Variants in ARID3A observed in about 807,000 individuals in gnomAD.
The protein encoded by ARID3A is AT-rich interaction domain 3A.
Under a neutral mutation model 52.7 loss-of-function variants are expected in ARID3A, and 11 were observed. The ratio of observed to expected loss-of-function variants is 0.21; its 90% CI spans 0.13 to 0.35. ARID3A has a LOEUF of 0.35. ARID3A is among the 10% of genes least tolerant of loss of function. The pLI is 1.00. For synonymous variants in ARID3A, 404 were observed against 359.4 expected (o/e 1.12, Z -1.40); for missense variants, 721 against 838.5 (o/e 0.86, Z 1.73).
intron 3 of ARID3A, among the ~76,000 whole-genome samples, chr19:934,877 G>A (rs1367831030): frequency 1.3e-5 from 2 of 152,190 alleles, no homozygotes; most frequent in African/African-American, 4.8e-5. Flanking sequence ...CAAAGTGCTG[G>A]GATTACAGGC....
chr19:961,570 C>T (rs1314661935), intron 4 of ARID3A, among the ~76,000 whole-genome samples: 1 of 152,190 alleles, frequency 6.6e-6, no homozygotes, highest in Non-Finnish European at 1.5e-5. Flanking sequence ...AAAGCCAACC[C>T]GTTTTGCTGT....
Position 960,145 on chromosome 19 carries a change from C to T in ARID3A, c.747C>T (p.Phe249=). The change falls in exon 4 of 9, where the codon TTC becomes TTT. Residue 249 remains phenylalanine (F), a synonymous_variant. Transcript: ENST00000263620. The surrounding 1 kb of genome is among the most constrained non-coding windows in gnomAD (Gnocchi z 4.3). ...PKRKEFLDDL[F]SFMQKRGTPV... is the part of the protein sequence containing the mutation. ...GGAAGGAATTCCTGGATGACTTGTT[C>T]AGCTTCATGCAGAAGCGAGGTGAGC... The T allele has an allele frequency of 6.2e-7, 1 of 1,612,720 alleles. No individual in the cohort carries two copies. Among genetic ancestry groups the T allele is most frequent in the Non-Finnish European group, 8.5e-7 (1 of 1,179,242 alleles).
At chr19:955,946 G>C (rs2037907881) in intron 3 of ARID3A, among the ~76,000 whole-genome samples, 1 of 152,168 alleles carries the variant, frequency 6.6e-6, no homozygotes, top group African/African-American at 2.4e-5. Flanking sequence ...GCTCCCTCCA[G>C]GGGCTGCAGG....
Position 941,648 on chromosome 19 carries a change from C to T in ARID3A, c.693+8906C>T, listed in dbSNP as rs1312382360. Among the ~76,000 whole-genome samples, 1 of 152,022 alleles carries T rather than the reference C, an allele frequency of 6.6e-6. No homozygotes were observed. The highest frequency in any genetic ancestry group is 1.5e-5 in the Non-Finnish European group (1 of 68,006). On this transcript the variant is annotated intron_variant, in intron 3 of 8. Transcript: ENST00000263620. This position sits in a 1 kb window ranked among gnomAD's most constrained non-coding sequence, Gnocchi z 6.9. ...TTTAACTATAAAGATGGGGTCTTGC[C>T]ATCATGTTGCCCAGCCTGGTCTCAA...
intron 7 of ARID3A, among the ~76,000 whole-genome samples, chr19:967,241 A>G (rs906060697): frequency 1.3e-5 from 2 of 151,576 alleles, no homozygotes; most frequent in Non-Finnish European, 2.9e-5. Context: ...CTGGGCAACA[A>G]TAGCAAAACT....
Position 948,945 on chromosome 19 carries a change from G to T in ARID3A, c.694-11147G>T, listed in dbSNP as rs377396020. 5.3e-5 allele frequency among the ~76,000 whole-genome samples: 8 copies of T among 152,200 alleles called. No homozygotes were observed. In the South Asian group the frequency reaches 6.2e-4, roughly 12 times the overall value. On this transcript the variant is annotated intron_variant, in intron 3 of 8. Coordinates refer to ENST00000263620, the MANE Select transcript of ARID3A (RefSeq NM_005224.3). The stretch of plus-strand genomic sequence containing the variant: ...GCTGGTCTCAAACTCCTGACCTCAG[G>T]TGATCCGCCCGCCTCGGCCTCCCAA...
chr19:948,022 G>A (rs992066004), intron 3 of ARID3A, among the ~76,000 whole-genome samples: 2 of 152,168 alleles, frequency 1.3e-5, no homozygotes, highest in African/African-American at 4.8e-5. Context: ...AGAGGGCGGG[G>A]AAGGGCCTGA....
In ARID3A at chr19:935,254, C is replaced by T. The variant is rs561519058; in HGVS notation, c.693+2512C>T. On this transcript the variant is annotated intron_variant, in intron 3 of 8. Transcript: ENST00000263620. ...CTGCAGGTCTGGTGGGTGGCCAGGC[C>T]GCGGCGGGGGGCCGGGCGCAGCAGG... Among the ~76,000 whole-genome samples, 605 of 152,342 alleles carry T rather than the reference C, an allele frequency of 4.0e-3. 3 individuals carry two copies. Among genetic ancestry groups the T allele is most frequent in the Non-Finnish European group, 6.7e-3 (454 of 68,028 alleles).
chr19:968,416 C>T lies in ARID3A; in HGVS notation c.1507C>T (p.Arg503Cys), dbSNP rs781106095. ...IRINSQASES[R>C]QDSAVNLTGT... ...TCTTCTTCCCACAGCCTCCGAAAGC[C>T]GCCAGGACTCTGCTGTGAACCTGAC... Residue 503 changes from arginine to cysteine, a missense_variant, in exon 8 of 9, where the codon CGC (arginine) becomes TGC (cysteine). Transcript: ENST00000263620. The T allele has an allele frequency of 9.3e-6, 15 of 1,613,664 alleles. No individual in the cohort carries two copies. The highest frequency in any genetic ancestry group is 3.3e-5 in the South Asian group (3 of 91,066).
chr19:935,628 C>T (rs1227641182), intron 3 of ARID3A, among the ~76,000 whole-genome samples: 8 of 152,104 alleles, frequency 5.3e-5, no homozygotes, highest in Non-Finnish European at 1.5e-5. Flanking sequence ...CAGACGGGCG[C>T]CACCAAACTC....
Position 966,967 on chromosome 19 carries a change from G to GGA in ARID3A, c.1495+99_1495+100insGA, listed in dbSNP as rs1555731580. 1.2e-3 allele frequency: 1,413 copies of GGA among 1,165,066 alleles called. 3 individuals are homozygous for GGA. The African/African-American group carries it at 0.013, about 11-fold the overall frequency. The allele number at this position is 1,165,066 out of a possible 1,614,324, so 72.2% of individuals were successfully genotyped here. On this transcript the variant is annotated intron_variant, in intron 7 of 8. Transcript: ENST00000263620. ...GTAAAGAGTGCCAACAAATCAATAAGAAAAAAAAAGCCGGGTGCAGTGGCT... is the reference window on the plus strand; with the variant it reads ...GTAAAGAGTGCCAACAAATCAATAAGGAAAAAAAAAAGCCGGGTGCAGTGGCT...
At chr19:935,784 T>G (rs2037426597) in intron 3 of ARID3A, among the ~76,000 whole-genome samples, 4 of 148,930 alleles carry the variant, frequency 2.7e-5, no homozygotes, top group Admixed American at 2.7e-4. Flanking sequence ...AGGATTTTAT[T>G]TATATATTTG....
rs2037985789 is a variant in ARID3A at position 959,077 on chromosome 19, G to A, written c.694-1015G>A. On this transcript the variant is annotated intron_variant, in intron 3 of 8. Transcript: ENST00000263620. The surrounding 1 kb of genome is among the most constrained non-coding windows in gnomAD (Gnocchi z 5.0). ...GGGAGGCTCCACCCGTGAGGTGTGTGTGACTCACTGTTTGATGTTCACACT... is the reference window on the plus strand; with the variant it reads ...GGGAGGCTCCACCCGTGAGGTGTGTATGACTCACTGTTTGATGTTCACACT... Among the ~76,000 whole-genome samples the A allele has an allele frequency of 6.6e-6, 1 of 152,160 alleles. No individual in the cohort carries two copies. The highest frequency in any genetic ancestry group is 6.5e-5 in the Admixed American group (1 of 15,276).
chr19:935,991 C>A (rs547826382), intron 3 of ARID3A, among the ~76,000 whole-genome samples: 1 of 151,078 alleles, frequency 6.6e-6, no homozygotes, highest in Non-Finnish European at 1.5e-5. Context: ...AAGGTTTCAC[C>A]GTGTTAGCCA....
At chr19:939,764 C>G (rs976441164) in intron 3 of ARID3A, among the ~76,000 whole-genome samples, 2 of 152,178 alleles carry the variant, frequency 1.3e-5, no homozygotes, top group African/African-American at 4.8e-5. Context: ...CCACACACTT[C>G]CCTCGGTCAT....
intron 3 of ARID3A, among the ~76,000 whole-genome samples, chr19:955,414 C>T (rs184082317): frequency 3.3e-5 from 5 of 152,328 alleles, no homozygotes; most frequent in Admixed American, 6.5e-5. Flanking sequence ...TTTACTGCCA[C>T]GCATCAGTGC....
At chr19:945,011 G>A (rs1206850960) in intron 3 of ARID3A, among the ~76,000 whole-genome samples, 1 of 152,124 alleles carries the variant, frequency 6.6e-6, no homozygotes, top group Non-Finnish European at 1.5e-5. Flanking sequence ...GAGTGGCTGG[G>A]CGTCTCTGCC....
rs989122230 is a variant in ARID3A at position 972,822 on chromosome 19, A to C, written c.*757A>C. The C allele has an allele frequency of 1.3e-4, 24 of 190,684 alleles. No homozygotes were observed. The highest frequency in any genetic ancestry group is 3.3e-4 in the East Asian group (4 of 12,230). The allele number at this position is 190,684 out of a possible 1,614,324, so 11.8% of individuals were successfully genotyped here. A position where few individuals can be genotyped will look rare whatever the true frequency, so the allele number is the denominator to read the frequency against. ...AAAGCAAAAAAAAAAAAAAAAAAAA[A>C]AAAAAAAAACTCACCTTTTTATTTT... is the stretch of plus-strand genomic sequence containing the variant. On this transcript the variant is annotated 3_prime_UTR_variant, in exon 9 of 9. Transcript: ENST00000263620.
In ARID3A at chr19:950,322, G is replaced by T. The variant is rs1618056; in HGVS notation, c.694-9770G>T. Among the ~76,000 whole-genome samples the T allele has an allele frequency of 3.0e-3, 77 of 25,430 alleles. 3 individuals carry two copies. The highest frequency in any genetic ancestry group is 7.5e-3 in the East Asian group (8 of 1,068). The allele number at this position is 25,430 out of a possible 152,430, so 16.7% of individuals were successfully genotyped here. On this transcript the variant is annotated intron_variant, in intron 3 of 8. Coordinates refer to ENST00000263620, the MANE Select transcript of ARID3A (RefSeq NM_005224.3). ...CGGATGGATGAGGCCGTCCCCAGAG[G>T]GAACGGATGGATGAGGCCGTCCCCA...
Sources: gnomAD v4.1 joint callset for allele counts (sites outside exome capture counted in the v4.1 genomes callset) on GRCh38, gnomAD v4.1.1 for gene constraint, Gnocchi (gnomAD v3.1) non-coding constraint, MANE v1.5 for transcripts, NCBI Gene and HGNC (gene_info 2026-07-23, HGNC 2026-07-21) for gene names.